GRIN2B: variants seen among roughly 807,000 people sequenced by gnomAD.
The protein encoded by GRIN2B is glutamate ionotropic receptor NMDA type subunit 2B.
GRIN2B carries 5 observed loss-of-function variants against 114.5 expected under a neutral mutation model. The ratio of observed to expected loss-of-function variants is 0.04; its 90% CI spans 0.02 to 0.09. The LOEUF is 0.09. Among genes scored for constraint, GRIN2B ranks in the 10% least tolerant of loss-of-function variants. The pLI, the probability that GRIN2B is intolerant of heterozygous loss-of-function variation, is 1.00. For missense variants in GRIN2B, 1,108 were observed against 1,943.5 expected (o/e 0.57, Z 8.08); for synonymous variants, 787 against 745.1 (o/e 1.06, Z -0.92).
intron 2 of GRIN2B, among the ~76,000 whole-genome samples, chr12:13,874,943 G>A (rs533193424): frequency 6.6e-6 from 1 of 152,244 alleles, no homozygotes; most frequent in Admixed American, 6.5e-5. Flanking sequence ...GCCTGCACTA[G>A]AGGAGATTTA....
intron 10 of GRIN2B, among the ~76,000 whole-genome samples, chr12:13,588,865 A>C (rs1217912378): frequency 2.0e-5 from 3 of 152,192 alleles, no homozygotes; most frequent in Admixed American, 6.5e-5. Context: ...AAGTGAGGGG[A>C]GCAAGTCTTC....
intron 3 of GRIN2B, among the ~76,000 whole-genome samples, chr12:13,819,406 C>T (rs571967543): frequency 3.4e-4 from 18 of 53,706 alleles, no homozygotes; most frequent in African/African-American, 1.8e-3. Context: ...AAACAAGGTT[C>T]TATGCATCTT....
chr12:13,725,510 A>G (rs912032418), intron 4 of GRIN2B, among the ~76,000 whole-genome samples: 2 of 152,126 alleles, frequency 1.3e-5, no homozygotes, highest in Non-Finnish European at 2.9e-5. Flanking sequence ...CAGCTAAATT[A>G]GCAGCTAGGA....
chr12:13,706,558 T>C (rs1039640807), intron 4 of GRIN2B, among the ~76,000 whole-genome samples: 3 of 152,148 alleles, frequency 2.0e-5, no homozygotes, highest in Non-Finnish European at 2.9e-5. Flanking sequence ...TGTTGCTGTA[T>C]GGACAGCAGT....
At chr12:13,769,879 C>T (rs1326903015) in intron 3 of GRIN2B, among the ~76,000 whole-genome samples, 1 of 152,244 alleles carries the variant, frequency 6.6e-6, no homozygotes, top group Non-Finnish European at 1.5e-5. Flanking sequence ...GCCAGTGGGA[C>T]TCACACAAAC....
intron 2 of GRIN2B, among the ~76,000 whole-genome samples, chr12:13,941,286 T>C (rs1867246650): frequency 6.6e-6 from 1 of 152,114 alleles, no homozygotes; most frequent in Admixed American, 6.6e-5. Flanking sequence ...GGTCAAAAGC[T>C]AAAAATGCCT....
intron 5 of GRIN2B, among the ~76,000 whole-genome samples, chr12:13,624,239 TC>T (rs1458168952): frequency 6.6e-6 from 1 of 152,196 alleles, no homozygotes; most frequent in Non-Finnish European, 1.5e-5. Context: ...CTTTTTTTTG[TC>T]CCTTGTACTG....
intron 4 of GRIN2B, among the ~76,000 whole-genome samples, chr12:13,750,680 C>T (rs975725474): frequency 1.1e-4 from 17 of 152,150 alleles, no homozygotes; most frequent in African/African-American, 4.1e-4. Flanking sequence ...GTACATTTTT[C>T]AAGGGAATCT....
intron 3 of GRIN2B, among the ~76,000 whole-genome samples, chr12:13,801,965 C>T (rs866569288): frequency 1.3e-5 from 2 of 152,020 alleles, no homozygotes; most frequent in East Asian, 1.9e-4. Flanking sequence ...CTTGGTTCAA[C>T]CTTCCTTCTG....
intron 10 of GRIN2B, among the ~76,000 whole-genome samples, chr12:13,607,544 A>G (rs1170996353): frequency 7.2e-6 from 1 of 138,924 alleles, no homozygotes; most frequent in Non-Finnish European, 1.5e-5. Context: ...CTTGATAAGT[A>G]GAGATGTAGA....
chr12:13,745,134 C>A (rs1863355263), intron 4 of GRIN2B, among the ~76,000 whole-genome samples: 1 of 152,154 alleles, frequency 6.6e-6, no homozygotes, highest in South Asian at 2.1e-4. Context: ...ACACAACCAT[C>A]TCTGCTCTCG....
intron 2 of GRIN2B, among the ~76,000 whole-genome samples, chr12:13,902,779 C>A (rs1866474254): frequency 6.6e-6 from 1 of 152,100 alleles, no homozygotes; most frequent in Non-Finnish European, 1.5e-5. Flanking sequence ...CATTGCACTC[C>A]AACCTGGGCC....
At chr12:13,789,144 T>C (rs12366758) in intron 3 of GRIN2B, among the ~76,000 whole-genome samples, 21,166 of 152,180 alleles carry the variant, frequency 0.14, 1,771 homozygotes, top group Non-Finnish European at 0.19. Context: ...AGTCAAATCA[T>C]GTTTTATCCA....
chr12:13,605,490 C>G (rs768846045), intron 10 of GRIN2B, among the ~76,000 whole-genome samples: 1 of 145,718 alleles, frequency 6.9e-6, no homozygotes, highest in Non-Finnish European at 1.5e-5. Context: ...GCTGGGGTCA[C>G]AGTGGAAATT....
At chr12:13,738,813 T>C (rs1863227510) in intron 4 of GRIN2B, among the ~76,000 whole-genome samples, 2 of 152,196 alleles carry the variant, frequency 1.3e-5, no homozygotes, top group Admixed American at 6.5e-5. Context: ...ATGCTTTTAA[T>C]ACACGTCTGT....
At chr12:13,756,721 T>C (rs1441217925) in intron 3 of GRIN2B, among the ~76,000 whole-genome samples, 1 of 152,190 alleles carries the variant, frequency 6.6e-6, no homozygotes, top group Non-Finnish European at 1.5e-5. Context: ...ACAAGAAGGC[T>C]CTTGAATAGA....
Position 13,564,695 on chromosome 12 carries a change from A to T in GRIN2B, c.2599-56T>A. 6.9e-7 allele frequency: 1 copy of T among 1,457,608 alleles called. No homozygotes were observed. The highest frequency in any genetic ancestry group is 9.6e-7 in the Non-Finnish European group (1 of 1,041,664). 90.3% of individuals were successfully genotyped at this position (1,457,608 alleles called of 1,614,324 possible). On this transcript the variant is annotated intron_variant, in intron 13 of 13. Coordinates refer to ENST00000609686, the MANE Select transcript of GRIN2B (RefSeq NM_000834.5). The surrounding 1 kb of genome is among the most constrained non-coding windows in gnomAD (Gnocchi z 4.8). ...CTCCAGAGAGGCTAGAAATGACCAC[A>T]AAAAACACTCTCCCACCAATAATTG...
At chr12:13,849,984 C>A (rs114752827) in intron 3 of GRIN2B, among the ~76,000 whole-genome samples, 2,111 of 152,272 alleles carry the variant, frequency 0.014, 36 homozygotes, top group African/African-American at 0.036. Flanking sequence ...GATAAGCAAG[C>A]CTCTGATTAT....
At chr12:13,601,616 C>T (rs902605886) in intron 10 of GRIN2B, among the ~76,000 whole-genome samples, 10 of 151,746 alleles carry the variant, frequency 6.6e-5, no homozygotes, top group African/African-American at 2.4e-4. Flanking sequence ...CACTTCAGGC[C>T]CCAACAAGGT....
Sources: allele counts gnomAD v4.1 joint callset (sites outside exome capture counted in the v4.1 genomes callset), GRCh38; gene constraint gnomAD v4.1.1; non-coding constraint Gnocchi (gnomAD v3.1); transcripts MANE v1.5; gene names NCBI Gene and HGNC (gene_info 2026-07-23, HGNC 2026-07-21).